Variants in NEGR1 observed in about 807,000 individuals in gnomAD.
NEGR1 encodes neuronal growth regulator 1.
In NEGR1, 10 loss-of-function variants were observed where a neutral mutation model predicts 40.9. The observed-to-expected ratio is 0.24, with a 90% confidence interval of 0.15 to 0.42. The LOEUF (loss-of-function observed/expected upper bound fraction) is 0.42, where lower values mean the gene tolerates loss of function less well. NEGR1 is among the 10% of genes least tolerant of loss of function. NEGR1 has a pLI of 1.00. For missense variants in NEGR1, 352 were observed against 438.9 expected (o/e 0.80, Z 1.77); for synonymous variants, 185 against 166.8 (o/e 1.11, Z -0.84).
intron 1 of NEGR1, chr1:72,100,760 C>T (rs1466272529): frequency 1.3e-5 from 2 of 152,172 alleles, no homozygotes; most frequent in Non-Finnish European, 2.9e-5. Flanking sequence ...TTAGTTTGCT[C>T]GGGCTTCCAT....
At chr1:71,723,494 T>C (rs1376214666) in intron 3 of NEGR1, among the ~76,000 whole-genome samples, 2 of 152,134 alleles carry the variant, frequency 1.3e-5, no homozygotes, top group African/African-American at 4.8e-5. Context: ...TAATCAATCA[T>C]GCCTGTGTAA....
intron 6 of NEGR1, among the ~76,000 whole-genome samples, chr1:71,582,244 G>A (rs546688985): frequency 6.6e-6 from 1 of 151,892 alleles, no homozygotes; most frequent in Non-Finnish European, 1.5e-5. Context: ...CAGTACAAAG[G>A]GAAAAACTAT....
At chr1:71,550,523 A>G (rs1035646231) in intron 6 of NEGR1, among the ~76,000 whole-genome samples, 1 of 151,274 alleles carries the variant, frequency 6.6e-6, no homozygotes, top group Non-Finnish European at 1.5e-5. Flanking sequence ...ATGCAGGGAC[A>G]CTAGGATCAC....
At chr1:72,182,705 T>G (rs896712732) in intron 1 of NEGR1, among the ~76,000 whole-genome samples, 1 of 151,670 alleles carries the variant, frequency 6.6e-6, no homozygotes, top group Non-Finnish European at 1.5e-5. Flanking sequence ...TAATTATAAT[T>G]GTGTTATATA....
chr1:72,039,885 T>A (rs1438515890), intron 1 of NEGR1, among the ~76,000 whole-genome samples: 1 of 151,952 alleles, frequency 6.6e-6, no homozygotes, highest in African/African-American at 2.4e-5. Context: ...GGCAATCTAT[T>A]TGAGAAGTGT....
chr1:72,266,096 A>G (rs1219042976), intron 1 of NEGR1, among the ~76,000 whole-genome samples: 1 of 150,892 alleles, frequency 6.6e-6, no homozygotes, highest in Non-Finnish European at 1.5e-5. Context: ...AATGTTATTG[A>G]TATTAACATT....
At chr1:71,593,276 T>C (rs1233336896) in intron 5 of NEGR1, among the ~76,000 whole-genome samples, 1 of 152,156 alleles carries the variant, frequency 6.6e-6, no homozygotes, top group Non-Finnish European at 1.5e-5. Flanking sequence ...ATACCAATAA[T>C]ATCTCATCTA....
intron 2 of NEGR1, among the ~76,000 whole-genome samples, chr1:71,917,421 G>A (rs183735484): frequency 2.0e-5 from 3 of 152,016 alleles, no homozygotes; most frequent in African/African-American, 7.2e-5. Flanking sequence ...GAATTTGAAG[G>A]GTTCAGAGAT....
At chr1:72,017,121 C>CAT (rs200992201) in intron 1 of NEGR1, among the ~76,000 whole-genome samples, 6 of 133,642 alleles carry the variant, frequency 4.5e-5, no homozygotes, top group Non-Finnish European at 9.4e-5. Flanking sequence ...TATATATACA[C>CAT]ATATATGTGT....
chr1:72,083,220 GTCTTCCTCTCTCACTACCT>G (rs556892710), intron 1 of NEGR1, among the ~76,000 whole-genome samples: 1 of 151,830 alleles, frequency 6.6e-6, no homozygotes, highest in South Asian at 2.1e-4. Flanking sequence ...ATCTATGTGT[GTCTTCCTCTCTCACTACCT>G]TCTTCCATCC....
chr1:71,474,863 G>A (rs561077323), intron 6 of NEGR1, among the ~76,000 whole-genome samples: 26 of 151,672 alleles, frequency 1.7e-4, no homozygotes, highest in South Asian at 4.2e-4. Context: ...ATGCTCAAAC[G>A]TAAGATAAAC....
At chr1:71,949,026 C>T (rs1398793479) in intron 1 of NEGR1, among the ~76,000 whole-genome samples, 1 of 152,116 alleles carries the variant, frequency 6.6e-6, no homozygotes, top group African/African-American at 2.4e-5. Flanking sequence ...GGGGGAAATA[C>T]TGATATGGCT....
chr1:71,979,477 T>A (rs1646336231), intron 1 of NEGR1, among the ~76,000 whole-genome samples: 1 of 152,098 alleles, frequency 6.6e-6, no homozygotes, highest in African/African-American at 2.4e-5. Flanking sequence ...GAGAAGGAAA[T>A]CAGATGGTCA....
intron 4 of NEGR1, among the ~76,000 whole-genome samples, chr1:71,665,503 G>T (rs547011776): frequency 2.7e-4 from 41 of 152,238 alleles, no homozygotes; most frequent in African/African-American, 9.1e-4. Flanking sequence ...CTACAACATG[G>T]TTTCCCCACT....
chr1:71,935,004 A>C (rs1645890554), intron 2 of NEGR1, 75 bp downstream of exon 2: 2 of 812,566 alleles, frequency 2.5e-6, no homozygotes, highest in Non-Finnish European at 4.1e-6. Flanking sequence ...ACTGCTTCCT[A>C]GTCATTTTGA....
intron 1 of NEGR1, among the ~76,000 whole-genome samples, chr1:72,210,263 G>T (rs1015832216): frequency 2.6e-5 from 4 of 151,772 alleles, no homozygotes; most frequent in Non-Finnish European, 5.9e-5. Flanking sequence ...AGGAATTTCA[G>T]CAAAAACCAA....
chr1:71,748,239 A>G (rs975065264), intron 3 of NEGR1, among the ~76,000 whole-genome samples: 6 of 152,328 alleles, frequency 3.9e-5, no homozygotes, highest in Admixed American at 2.6e-4. Flanking sequence ...ACTGGCTGAC[A>G]GTATATGATT....
intron 4 of NEGR1, among the ~76,000 whole-genome samples, chr1:71,693,927 C>T (rs889618927): frequency 5.3e-5 from 8 of 151,728 alleles, no homozygotes; most frequent in Non-Finnish European, 1.0e-4. Context: ...CTTGATTCAT[C>T]ACACTTTCTA....
chr1:72,227,144 T>A (rs1654217868), intron 1 of NEGR1, among the ~76,000 whole-genome samples: 1 of 152,006 alleles, frequency 6.6e-6, no homozygotes, highest in Non-Finnish European at 1.5e-5. Flanking sequence ...CCACAAAAAA[T>A]GAGTTAATTT....
Sources: gnomAD v4.1 joint callset for allele counts (sites outside exome capture counted in the v4.1 genomes callset) on GRCh38, gnomAD v4.1.1 for gene constraint, MANE v1.5 for transcripts, NCBI Gene and HGNC (gene_info 2026-07-23, HGNC 2026-07-21) for gene names.